STARD13: variants seen among roughly 807,000 people sequenced by gnomAD.
STARD13 encodes StAR related lipid transfer domain containing 13.
Under a neutral mutation model 106.4 loss-of-function variants are expected in STARD13, and 62 were observed. That is an observed-to-expected ratio of 0.58 (90% CI 0.48 to 0.72). STARD13 has a LOEUF of 0.72. Ranked by LOEUF, STARD13 falls within the 30% of genes least tolerant of loss-of-function variation. The probability of loss-of-function intolerance (pLI) is 0.00; values close to 1 mark genes in which losing one functional copy is unlikely to be tolerated. For missense variants in STARD13, 1,387 were observed against 1,424.0 expected, an observed-to-expected ratio of 0.97 and a Z score of 0.42; for synonymous variants, 565 against 553.0, an observed-to-expected ratio of 1.02 and a Z score of -0.31.
At chr13:33,606,723 A>T in the STARD13 span, among the ~76,000 whole-genome samples, 1 of 152,256 alleles carries the variant, frequency 6.6e-6, no homozygotes, top group Non-Finnish European at 1.5e-5. Context: ...TTAAAATAAC[A>T]CAAATGTCTT....
At chr13:33,654,093 G>A in the STARD13 span, among the ~76,000 whole-genome samples, 2 of 152,178 alleles carry the variant, frequency 1.3e-5, no homozygotes, top group Admixed American at 1.3e-4. Flanking sequence ...ATGTAAAATG[G>A]TGCTGCCACT....
the STARD13 span, among the ~76,000 whole-genome samples, chr13:33,488,531 C>T: frequency 2.0e-4 from 30 of 152,174 alleles, no homozygotes; most frequent in African/African-American, 5.8e-4. Context: ...AATTGCCCCT[C>T]GAGAATAGAA....
At chr13:33,641,819 G>A in the STARD13 span, among the ~76,000 whole-genome samples, 1 of 152,024 alleles carries the variant, frequency 6.6e-6, no homozygotes, top group African/African-American at 2.4e-5. Context: ...TGTAACTTTT[G>A]GTAGCAAAAG....
the STARD13 span, among the ~76,000 whole-genome samples, chr13:33,554,794 G>A: frequency 6.6e-6 from 1 of 152,156 alleles, no homozygotes; most frequent in Admixed American, 6.6e-5. Flanking sequence ...AAGGCTTGGG[G>A]CTGCAAACTC....
chr13:33,669,524 G>T, the STARD13 span, among the ~76,000 whole-genome samples: 5 of 147,450 alleles, frequency 3.4e-5, no homozygotes, highest in African/African-American at 1.3e-4. Flanking sequence ...ATAAGAAGAG[G>T]ATGTTCTTTT....
At chr13:33,588,982 A>G in the STARD13 span, among the ~76,000 whole-genome samples, 2 of 152,136 alleles carry the variant, frequency 1.3e-5, no homozygotes, top group Non-Finnish European at 2.9e-5. Flanking sequence ...TCTTAAGTAA[A>G]AGGGAGTTTT....
the STARD13 span, among the ~76,000 whole-genome samples, chr13:33,597,629 T>A: frequency 6.6e-6 from 1 of 151,784 alleles, no homozygotes; most frequent in Non-Finnish European, 1.5e-5. Context: ...GCAGATCACC[T>A]GAGGTCGGGA....
chr13:33,200,163 C>G (rs953714921), intron 1 of STARD13, among the ~76,000 whole-genome samples: 4 of 152,188 alleles, frequency 2.6e-5, no homozygotes, highest in Non-Finnish European at 5.9e-5. Context: ...GCCTTCTAGC[C>G]CTGTGGTCTG....
intron 12 of STARD13, among the ~76,000 whole-genome samples, chr13:33,108,311 A>G (rs982692802): frequency 6.6e-6 from 1 of 152,116 alleles, no homozygotes; most frequent in Non-Finnish European, 1.5e-5. Context: ...TATCCTACAC[A>G]TAAGGAATTC....
chr13:33,511,969 A>G, the STARD13 span, among the ~76,000 whole-genome samples: 3 of 152,204 alleles, frequency 2.0e-5, no homozygotes, highest in Non-Finnish European at 4.4e-5. Context: ...CCATTAATTA[A>G]AGCTCAGAGG....
At chr13:33,530,022 G>T in the STARD13 span, among the ~76,000 whole-genome samples, 1 of 151,834 alleles carries the variant, frequency 6.6e-6, no homozygotes, top group Non-Finnish European at 1.5e-5. Flanking sequence ...AAGATAAGGA[G>T]CCTACATAAA....
chr13:33,287,025 C>T (rs1892093100), upstream of STARD13, among the ~76,000 whole-genome samples: 1 of 152,114 alleles, frequency 6.6e-6, no homozygotes, highest in African/African-American at 2.4e-5. Flanking sequence ...AACATGTTAT[C>T]AAATTCTGAG....
the STARD13 span, among the ~76,000 whole-genome samples, chr13:33,666,252 T>A: frequency 1.3e-5 from 2 of 152,202 alleles, no homozygotes; most frequent in African/African-American, 4.8e-5. Context: ...TTAGAACTTA[T>A]CATATAAAAT....
intron 6 of STARD13, 35 bp downstream of exon 6, chr13:33,127,338 C>A (rs1177944173): frequency 2.0e-6 from 3 of 1,523,236 alleles, no homozygotes; most frequent in Non-Finnish European, 2.6e-6. Context: ...AGCTCTAGAG[C>A]CAAGGATCCC....
the STARD13 span, among the ~76,000 whole-genome samples, chr13:33,365,773 G>A: frequency 1.3e-5 from 2 of 152,056 alleles, no homozygotes; most frequent in African/African-American, 4.8e-5. Flanking sequence ...CATTTTGCTC[G>A]GATTGTCTTC....
the STARD13 span, among the ~76,000 whole-genome samples, chr13:33,416,438 AG>A: frequency 6.6e-6 from 1 of 152,226 alleles, no homozygotes; most frequent in South Asian, 2.1e-4. Context: ...CAGAATAACA[AG>A]GAAGTATAGA....
chr13:33,228,975 C>T (rs1051652748), intron 1 of STARD13, among the ~76,000 whole-genome samples: 1 of 152,106 alleles, frequency 6.6e-6, no homozygotes, highest in African/African-American at 2.4e-5. Flanking sequence ...TCATATGTAA[C>T]CACAAAAGCA....
chr13:33,632,456 C>A, the STARD13 span, among the ~76,000 whole-genome samples: 1 of 152,116 alleles, frequency 6.6e-6, no homozygotes, highest in Non-Finnish European at 1.5e-5. Flanking sequence ...CATTGGTAAG[C>A]CAACTTCCTT....
chr13:33,304,083 A>C (rs1454290501), intron 1 of STARD13, among the ~76,000 whole-genome samples: 1 of 152,240 alleles, frequency 6.6e-6, no homozygotes, highest in African/African-American at 2.4e-5. Context: ...TTCATCAACA[A>C]GGAAGAAAAC....
Sources: gnomAD v4.1 joint callset for allele counts (sites outside exome capture counted in the v4.1 genomes callset) on GRCh38, gnomAD v4.1.1 for gene constraint, MANE v1.5 for transcripts, NCBI Gene and HGNC (gene_info 2026-07-23, HGNC 2026-07-21) for gene names.